Variants in ITPRIP observed in about 807,000 individuals in gnomAD.
ITPRIP encodes the protein inositol 1,4,5-trisphosphate receptor-interacting protein.
ITPRIP carries 32 observed loss-of-function variants against 35.8 expected under a neutral mutation model. The ratio of observed to expected loss-of-function variants is 0.89; its 90% confidence interval spans 0.68 to 1.20. The LOEUF (loss-of-function observed/expected upper bound fraction) is 1.20. ITPRIP is among the 50% of genes most tolerant of loss of function. The pLI is 0.00. For synonymous variants in ITPRIP, 358 were observed against 324.0 expected (o/e 1.11, Z -1.13); for missense variants, 653 against 735.6 (o/e 0.89, Z 1.30).
intron 1 of ITPRIP, chr10:104,329,062 CACACAT>C (rs933534553): frequency 7.5e-5 from 11 of 147,266 alleles, no homozygotes; most frequent in African/African-American, 2.9e-4. Context: ...CACACACACA[CACACAT>C]ACACACATGC....
At chr10:104,316,125 C>CT in intron 1 of ITPRIP, 61 bp from the exon 2 acceptor site, 1 of 1,381,086 alleles carries the variant, frequency 7.2e-7, no homozygotes. Context: ...CGTCCCTGGG[C>CT]CCCGCACCAA....
Position 104,314,722 on chromosome 10 carries a change from G to C in ITPRIP, c.1330C>G (p.Arg444Gly), listed in dbSNP as rs1443151843. 1 of 1,613,652 alleles carries C rather than the reference G, an allele frequency of 6.2e-7. No homozygotes were observed. The highest frequency in any genetic ancestry group is 8.5e-7 in the Non-Finnish European group (1 of 1,179,874). Reference sequence around the variant, plus strand: ...CCCGCCTTCCAGTCGGCGGCCTGCCGGAGGAGTAGGAGGTGCAGTAGGGCC... The same window carrying C: ...CCCGCCTTCCAGTCGGCGGCCTGCCCGAGGAGTAGGAGGTGCAGTAGGGCC... ...KTALLHLLLL[R>G]QAADWKAGQL... The change falls in exon 2 of 2, where the codon CGG (arginine) becomes GGG (glycine). Residue 444 changes from arginine (R) to glycine (G), a missense_variant. Transcript: ENST00000337478.
chr10:104,314,093 T>C lies in ITPRIP; in HGVS notation c.*315A>G. ...TACACCCAATCCAACATTTGCATTG[T>C]CTCTAACTCAGGGTCCACAGCGTGT... On this transcript the variant is annotated 3_prime_UTR_variant, in exon 2 of 2. Coordinates refer to ENST00000337478, the MANE Select transcript of ITPRIP (RefSeq NM_001272013.2). 1 of 1,124,890 alleles carries C rather than the reference T, an allele frequency of 8.9e-7. No individual in the cohort carries two copies. The highest frequency in any genetic ancestry group is 1.1e-6 in the Non-Finnish European group (1 of 917,082). The allele number at this position is 1,124,890 out of a possible 1,614,324, so 69.7% of individuals were successfully genotyped here.
rs747385078 is a variant in ITPRIP, at chr10:104,329,395, C to T, written c.-14+8851G>A. On this transcript the variant is annotated intron_variant, in intron 1 of 1. Coordinates refer to ENST00000337478, the MANE Select transcript of ITPRIP (RefSeq NM_001272013.2). ...TGACTACTCAGAGTCACACTCTCTA[C>T]GGATTGCACAAAACAACCCTACTAT... Among the ~76,000 whole-genome samples the T allele has an allele frequency of 3.3e-5, 5 of 152,140 alleles. No individual in the cohort carries two copies. The East Asian group carries it at 5.8e-4, about 18-fold the overall frequency.
In ITPRIP at chr10:104,328,178, C is replaced by G; in HGVS notation, c.-14+10068G>C. 1.0e-6 allele frequency: 1 copy of G among 973,536 alleles called. No homozygotes were observed. The highest frequency in any genetic ancestry group is 1.2e-6 in the Non-Finnish European group (1 of 819,158). 60.3% of individuals were successfully genotyped at this position (973,536 alleles called of 1,614,324 possible). ...GCAGGGGAAGGTCTCCCTCAGCCTC[C>G]AGGATTCCCATCTCCGGTTTCTATG... On this transcript the variant is annotated intron_variant, in intron 1 of 1. Coordinates refer to ENST00000337478, the MANE Select transcript of ITPRIP (RefSeq NM_001272013.2). The surrounding 1 kb of genome is among the most constrained non-coding windows in gnomAD (Gnocchi z 4.1).
chr10:104,321,322 G>C (rs1403276784), intron 1 of ITPRIP, among the ~76,000 whole-genome samples: 1 of 152,218 alleles, frequency 6.6e-6, no homozygotes, highest in East Asian at 1.9e-4. Context: ...TGTCCACAGA[G>C]AGGGGCGGCC....
In ITPRIP at chr10:104,317,964, T is replaced by C. The variant is rs1303777890; in HGVS notation, c.-13-1900A>G. On this transcript the variant is annotated intron_variant, in intron 1 of 1. Transcript: ENST00000337478. ...GACAGGTCTGCAGGAACCACAAGGGTTGGGGAGTGGAGAAGGTCCGTCCTC... is the reference window on the plus strand; with the variant it reads ...GACAGGTCTGCAGGAACCACAAGGGCTGGGGAGTGGAGAAGGTCCGTCCTC... Among the ~76,000 whole-genome samples, 5 of 151,578 alleles carry C rather than the reference T, an allele frequency of 3.3e-5. No individual in the cohort carries two copies. In the East Asian group the frequency reaches 9.7e-4, roughly 29 times the overall value.
chr10:104,316,664 CT>C (rs2013702390), intron 1 of ITPRIP, among the ~76,000 whole-genome samples: 1 of 152,200 alleles, frequency 6.6e-6, no homozygotes, highest in African/African-American at 2.4e-5. Context: ...ACACTCAGCT[CT>C]GCTTGAAGGC....
rs764223106 is a variant in ITPRIP, at chr10:104,315,575, A to G, written c.477T>C (p.Arg159=). 55 of 1,614,022 alleles carry G rather than the reference A, an allele frequency of 3.4e-5. No homozygotes were observed. Among genetic ancestry groups the G allele is most frequent in the Non-Finnish European group, 4.5e-5 (53 of 1,180,020 alleles). ...CGAAGCCTTCCAGGAACTCCCGGGT[A>G]CGGGCTGCATCGGCCGTGGCCCCCC... The part of the protein sequence containing the change: ...CIRGATADAA[R]TREFLEGFVD... Residue 159 remains arginine (R), a synonymous_variant, in exon 2 of 2, where the codon CGT becomes CGC. Transcript: ENST00000337478. This position sits in a 1 kb window ranked among gnomAD's most constrained non-coding sequence, Gnocchi z 5.7.
chr10:104,314,364 A>G lies in ITPRIP; in HGVS notation c.*44T>C. On this transcript the variant is annotated 3_prime_UTR_variant, in exon 2 of 2. Coordinates refer to ENST00000337478, the MANE Select transcript of ITPRIP (RefSeq NM_001272013.2). ...GCCACCAGGGGTGTGAACGTGAGGG[A>G]TGCCCTCATCTTAGCTCGAGGATCC... 1 of 1,564,996 alleles carries G rather than the reference A, an allele frequency of 6.4e-7. No homozygotes were observed. The highest frequency in any genetic ancestry group is 8.7e-7 in the Non-Finnish European group (1 of 1,153,444).
At position 104,313,915 on chromosome 10, in the gene ITPRIP, A is replaced by G. The variant is rs1400722715; in HGVS notation, c.*493T>C. On this transcript the variant is annotated 3_prime_UTR_variant, in exon 2 of 2. Transcript: ENST00000337478. The stretch of plus-strand genomic sequence containing the variant: ...ATGCGGATCAAAGGTGGACATTCCC[A>G]TATCTGTCCCTGTTAGTGCTTTGGC... 12 of 988,552 alleles carry G rather than the reference A, an allele frequency of 1.2e-5. No individual in the cohort carries two copies. The highest frequency in any genetic ancestry group is 1.4e-5 in the Non-Finnish European group (12 of 832,162). 61.2% of individuals were successfully genotyped at this position (988,552 alleles called of 1,614,324 possible).
rs1427822150 is a variant in ITPRIP at position 104,313,957 on chromosome 10, A to G, written c.*451T>C. ...TGCTTTGGCTGCAGATGGTCAGGCCAGAAGCTCCTGGGAATAGGGGTGCTG... is the reference window on the plus strand; with the variant it reads ...TGCTTTGGCTGCAGATGGTCAGGCCGGAAGCTCCTGGGAATAGGGGTGCTG... On this transcript the variant is annotated 3_prime_UTR_variant, in exon 2 of 2. Coordinates refer to ENST00000337478, the MANE Select transcript of ITPRIP (RefSeq NM_001272013.2). 2.0e-6 allele frequency: 2 copies of G among 992,928 alleles called. No homozygotes were observed. The highest frequency in any genetic ancestry group is 1.1e-4 in the Admixed American group (2 of 17,586). The allele number at this position is 992,928 out of a possible 1,614,324, so 61.5% of individuals were successfully genotyped here.
intron 1 of ITPRIP, among the ~76,000 whole-genome samples, chr10:104,319,179 C>T (rs34970111): frequency 0.43 from 65,776 of 152,192 alleles, 14,388 homozygotes; most frequent in Middle Eastern, 0.6. Context: ...AGCTTCTGCG[C>T]TCCCACGCTT....
intron 1 of ITPRIP, among the ~76,000 whole-genome samples, chr10:104,319,904 G>T (rs2013800810): frequency 6.6e-6 from 1 of 152,144 alleles, no homozygotes; most frequent in Non-Finnish European, 1.5e-5. Context: ...CAACTGAACA[G>T]CATTAACGTT....
At chr10:104,335,491 C>A (rs2014217604) in intron 1 of ITPRIP, among the ~76,000 whole-genome samples, 1 of 152,196 alleles carries the variant, frequency 6.6e-6, no homozygotes, top group Non-Finnish European at 1.5e-5. Context: ...ACTCATCACC[C>A]TCATGCCAGG....
chr10:104,317,963 G>T (rs763791545), intron 1 of ITPRIP, among the ~76,000 whole-genome samples: 6 of 152,212 alleles, frequency 3.9e-5, no homozygotes, highest in Admixed American at 6.5e-5. Context: ...AACCACAAGG[G>T]TTGGGGAGTG....
chr10:104,330,057 C>T (rs1267644739), intron 1 of ITPRIP, among the ~76,000 whole-genome samples: 1 of 152,140 alleles, frequency 6.6e-6, no homozygotes, highest in African/African-American at 2.4e-5. Flanking sequence ...AGTTTGGAGA[C>T]CTAGGAAGGT....
At chr10:104,327,209 C>T (rs942587471) in intron 1 of ITPRIP, among the ~76,000 whole-genome samples, 4 of 152,106 alleles carry the variant, frequency 2.6e-5, no homozygotes, top group African/African-American at 4.8e-5. Flanking sequence ...GAATCTCTCT[C>T]GTGTGCTGGC....
chr10:104,328,327 T>A lies in ITPRIP; in HGVS notation c.-14+9919A>T, dbSNP rs1049730606. ...GGCCGCATCTCACCCACAAGGGTGC[T>A]GGTTTGGAGAGAGCATGAATACCCA... On this transcript the variant is annotated intron_variant, in intron 1 of 1. Coordinates refer to ENST00000337478, the MANE Select transcript of ITPRIP (RefSeq NM_001272013.2). The surrounding 1 kb of genome is among the most constrained non-coding windows in gnomAD (Gnocchi z 4.1). 2.0e-6 allele frequency: 2 copies of A among 980,344 alleles called. No individual in the cohort carries two copies. Among genetic ancestry groups the A allele is most frequent in the African/African-American group, 3.5e-5 (2 of 57,090 alleles). 60.7% of individuals were successfully genotyped at this position (980,344 alleles called of 1,614,324 possible).
Sources: gnomAD v4.1 joint callset for allele counts (sites outside exome capture counted in the v4.1 genomes callset) on GRCh38, gnomAD v4.1.1 for gene constraint, Gnocchi (gnomAD v3.1) non-coding constraint, MANE v1.5 for transcripts, NCBI Gene and HGNC (gene_info 2026-07-23, HGNC 2026-07-21) for gene names.